Variants in AHNAK2 observed in about 807,000 individuals in gnomAD.
AHNAK2 encodes the protein AHNAK nucleoprotein 2, also known as protein AHNAK2.
A neutral mutation model predicts 30.7 loss-of-function variants in AHNAK2; 18 were observed. The ratio of observed to expected loss-of-function variants is 0.59; its 90% CI spans 0.41 to 0.87. The LOEUF is 0.87. Among genes scored for constraint, AHNAK2 ranks in the 40% least tolerant of loss-of-function variants. The probability of loss-of-function intolerance (pLI) is 0.00; values close to 1 mark genes in which losing one functional copy is unlikely to be tolerated. For missense variants in AHNAK2, 8,604 were observed against 7,373.0 expected, an observed-to-expected ratio of 1.17 and a Z score of -6.11; for synonymous variants, 3,590 against 3,073.8, an observed-to-expected ratio of 1.17 and a Z score of -5.56.
chr14:104,954,114 A>G lies in AHNAK2; in HGVS notation c.1337T>C (p.Met446Thr), dbSNP rs1244211426. ...TCCCTCGCCTTCACCCTCCCGGCTC[A>G]TTCCAGGAGTTGGCTGGGCCCTGGG... ...RKPRAQPTPGMSREGEGEGLQ... is the reference protein window; with the variant it reads ...RKPRAQPTPGTSREGEGEGLQ... Residue 446 changes from methionine to threonine, a missense_variant, in exon 7 of 7, where the codon ATG becomes ACG. Met to Thr is a moderately conservative substitution (Grantham distance 81). Coordinates refer to ENST00000333244, the MANE Select transcript of AHNAK2 (RefSeq NM_138420.4). This position sits in a 1 kb window ranked among gnomAD's most constrained non-coding sequence, Gnocchi z 4.3. 2 of 1,612,130 alleles carry G rather than the reference A, an allele frequency of 1.2e-6. No homozygotes were observed. Among genetic ancestry groups the G allele is most frequent in the African/African-American group, 2.7e-5 (2 of 74,874 alleles).
intron 1 of AHNAK2, among the ~76,000 whole-genome samples, chr14:104,960,927 T>A: frequency 6.9e-6 from 1 of 144,880 alleles, no homozygotes; most frequent in Non-Finnish European, 1.5e-5. Flanking sequence ...AGGCCAGGAG[T>A]TTGAGACCAG....
Position 104,940,746 on chromosome 14 carries a change from ACT to A in AHNAK2, c.14703_14704del (p.Arg4901SerfsTer41), listed in dbSNP as rs776433804. The stretch of plus-strand genomic sequence containing the variant: ...CTGGGTGCTTGGCAAGGGGCACTGC[ACT>A]CTTTCTCCAGGGCTAAGAGGAGACA... On this transcript the variant is annotated frameshift_variant, in exon 7 of 7. Transcript: ENST00000333244. LOFTEE classifies it low-confidence loss of function (END_TRUNC). This position sits in a 1 kb window ranked among gnomAD's most constrained non-coding sequence, Gnocchi z 4.4. 1.2e-6 allele frequency: 2 copies of A among 1,612,762 alleles called. No individual in the cohort carries two copies. The highest frequency in any genetic ancestry group is 2.2e-5 in the South Asian group (2 of 91,056).
rs375046543 is a variant in AHNAK2 at position 104,939,727 on chromosome 14, C to G, written c.15724G>C (p.Val5242Leu). The change falls in exon 7 of 7, where the codon GTG becomes CTG. Residue 5242 changes from valine to leucine, a missense_variant. Physicochemically the swap from Val to Leu is conservative, Grantham distance 32 (BLOSUM62 1). Coordinates refer to ENST00000333244, the MANE Select transcript of AHNAK2 (RefSeq NM_138420.4). ...AGCTGTAGGGACATAGCTGCCTCCA[C>G]GTTTGACCCAGAAACAAGGAACTCT... The part of the protein sequence containing the change: ...VKEFLVSGSN[V>L]EAAMSLQLPE... 4 of 1,613,756 alleles carry G rather than the reference C, an allele frequency of 2.5e-6. No homozygotes were observed. Among genetic ancestry groups the G allele is most frequent in the African/African-American group, 2.7e-5 (2 of 74,928 alleles).
In AHNAK2 at chr14:104,953,480, T is replaced by A; in HGVS notation, c.1971A>T (p.Leu657Phe). ...TTTCTGTCAGAATTTGTTCCTTTTT[T>A]AAGCGTTTTTCATCGTGTATTAGTT... ...KIQLIHDEKR[L>F]KKEQILTEKE... is the part of the protein sequence containing the mutation. The change falls in exon 7 of 7, where the codon TTA (leucine) becomes TTT (phenylalanine). Residue 657 changes from leucine (L) to phenylalanine (F), a missense_variant. Physicochemically the swap from Leu to Phe is conservative, Grantham distance 22 (BLOSUM62 0). Transcript: ENST00000333244. 1 of 1,614,038 alleles carries A rather than the reference T, an allele frequency of 6.2e-7. No individual in the cohort carries two copies. The highest frequency in any genetic ancestry group is 8.5e-7 in the Non-Finnish European group (1 of 1,179,900).
At position 104,950,177 on chromosome 14, in the gene AHNAK2, G is replaced by A. The variant is rs372680619; in HGVS notation, c.5274C>T (p.Gly1758=). 4.4e-6 allele frequency: 7 copies of A among 1,583,482 alleles called. No homozygotes were observed. The highest frequency in any genetic ancestry group is 5.2e-6 in the Non-Finnish European group (6 of 1,161,724). Residue 1758 remains glycine, a synonymous_variant, in exon 7 of 7, where the codon GGC becomes GGT. Coordinates refer to ENST00000333244, the MANE Select transcript of AHNAK2 (RefSeq NM_138420.4). ...SLKMPKVALK[G]PQMDVKGPKL... is the part of the protein sequence containing the mutation. ...TGGGGCCCTTGACGTCCATCTGGGG[G>A]CCCTTGAGGGCCACTTTGGGCATCT...
rs572698049 is a variant in AHNAK2 at position 104,952,112 on chromosome 14, G to A, written c.3339C>T (p.Pro1113=). The A allele has an allele frequency of 6.2e-7, 1 of 1,612,210 alleles. No individual in the cohort carries two copies. Among genetic ancestry groups the A allele is most frequent in the South Asian group, 1.1e-5 (1 of 91,010 alleles). The change falls in exon 7 of 7, where the codon CCC becomes CCT. Residue 1113 remains proline, a synonymous_variant. Coordinates refer to ENST00000333244, the MANE Select transcript of AHNAK2 (RefSeq NM_138420.4). The part of the protein sequence containing the change: ...VKGPKLDLKS[P]KAEVTAPDVE... ...CATCAGGGGCTGTGACTTCCGCCTT[G>A]GGGCTTTTCAGGTCCAGCTTGGGGC...
At position 104,947,877 on chromosome 14, in the gene AHNAK2, TC is replaced by T. The variant is rs1898383682; in HGVS notation, c.7573del (p.Asp2525ThrfsTer25). ...ADGSLSSMQG[D>X]LKATDLSIQP... ...AATGCTGAGGTCAGTGGCCTTGAGG[TC>T]CCCCTGCATGGAGGAGAGGCTCCCG... On this transcript the variant is annotated frameshift_variant, in exon 7 of 7. Coordinates refer to ENST00000333244, the MANE Select transcript of AHNAK2 (RefSeq NM_138420.4). LOFTEE classifies it low-confidence loss of function (END_TRUNC). 1.2e-6 allele frequency: 2 copies of T among 1,611,860 alleles called. No homozygotes were observed. Among genetic ancestry groups the T allele is most frequent in the Non-Finnish European group, 8.5e-7 (1 of 1,179,424 alleles).
chr14:104,939,484 C>A lies in AHNAK2; in HGVS notation c.15967G>T (p.Gly5323Ter), dbSNP rs781122799. 6.2e-7 allele frequency: 1 copy of A among 1,613,512 alleles called. No homozygotes were observed. The highest frequency in any genetic ancestry group is 1.7e-5 in the Admixed American group (1 of 59,994). The change falls in exon 7 of 7, where the codon GGA (glycine) becomes TGA (stop). Residue 5323 changes from glycine (G) to a stop codon, truncating the protein, a stop_gained. Coordinates refer to ENST00000333244, the MANE Select transcript of AHNAK2 (RefSeq NM_138420.4). LOFTEE classifies it low-confidence loss of function (END_TRUNC). Reference protein sequence around the residue: ...MRLPETQVLPGEIDETPLSKP... With the variant: ...MRLPETQVLP Reference sequence around the variant, plus strand: ...GAAAGAGGAGTCTCATCTATTTCTCCTGGAAGAACCTGGGTTTCTGGAAGC... The same window carrying A: ...GAAAGAGGAGTCTCATCTATTTCTCATGGAAGAACCTGGGTTTCTGGAAGC...
At chr14:104,960,059 G>T (rs1899092856) in intron 1 of AHNAK2, among the ~76,000 whole-genome samples, 1 of 152,142 alleles carries the variant, frequency 6.6e-6, no homozygotes, top group South Asian at 2.1e-4. Context: ...GAGCAAAACT[G>T]TTTCAACAAA....
In AHNAK2 at chr14:104,953,029, C is replaced by G. The variant is rs780161734; in HGVS notation, c.2422G>C (p.Ala808Pro). Residue 808 changes from alanine (A) to proline (P), a missense_variant, in exon 7 of 7, where the codon GCA becomes CCA. Coordinates refer to ENST00000333244, the MANE Select transcript of AHNAK2 (RefSeq NM_138420.4). ...SMEVDVQAPR[A>P]KLDGARLEGD... The stretch of plus-strand genomic sequence containing the variant: ...TCCAGCCGCGCACCATCCAGCTTTG[C>G]TCTCGGGGCCTGGACGTCCACCTCC... The G allele has an allele frequency of 1.9e-6, 3 of 1,613,286 alleles. No individual in the cohort carries two copies. The highest frequency in any genetic ancestry group is 2.5e-6 in the Non-Finnish European group (3 of 1,179,740).
At chr14:104,972,465 G>A (rs757135032) in intron 1 of AHNAK2, among the ~76,000 whole-genome samples, 7 of 152,194 alleles carry the variant, frequency 4.6e-5, no homozygotes, top group Non-Finnish European at 1.0e-4. Context: ...CGCTGGCACA[G>A]AGCGGGGCCG....
Position 104,952,855 on chromosome 14 carries a change from C to T in AHNAK2, c.2596G>A (p.Asp866Asn), listed in dbSNP as rs1898817793. ...CCCTGCATGGAGGAGAGGCTCACGT[C>T]GGCCTCCACCTTCGGCGCAGACACA... ...VDVSAPKVEA[D>N]VSLSSMQGDL... is the part of the protein sequence containing the mutation. Residue 866 changes from aspartate (D) to asparagine (N), a missense_variant, in exon 7 of 7, where the codon GAC becomes AAC. Physicochemically the swap from Asp to Asn is conservative, Grantham distance 23 (BLOSUM62 1). Coordinates refer to ENST00000333244, the MANE Select transcript of AHNAK2 (RefSeq NM_138420.4). 6.8e-6 allele frequency: 11 copies of T among 1,612,476 alleles called. No individual in the cohort carries two copies. The highest frequency in any genetic ancestry group is 1.6e-4 in the Middle Eastern group (1 of 6,076).
At position 104,947,677 on chromosome 14, in the gene AHNAK2, T is replaced by C. The variant is rs1566908160; in HGVS notation, c.7774A>G (p.Lys2592Glu). The C allele has an allele frequency of 6.2e-7, 1 of 1,612,942 alleles. No individual in the cohort carries two copies. The highest frequency in any genetic ancestry group is 8.5e-7 in the Non-Finnish European group (1 of 1,179,614). The change falls in exon 7 of 7, where the codon AAG (lysine) becomes GAG (glutamate). Residue 2592 changes from lysine (K) to glutamate (E), a missense_variant. Physicochemically the swap from Lys to Glu is moderately conservative, Grantham distance 56. Coordinates refer to ENST00000333244, the MANE Select transcript of AHNAK2 (RefSeq NM_138420.4). ...GCCTTGGGGCCTTTCAGGTCCAGCT[T>C]GGGGCCCTTGACATCTAGCTGGGGG... is the stretch of plus-strand genomic sequence containing the variant. ...KGPQLDVKGP[K>E]LDLKGPKAEV...
Position 104,948,204 on chromosome 14 carries a change from A to C in AHNAK2, c.7247T>G (p.Leu2416Arg), listed in dbSNP as rs199940715. 647 of 1,612,146 alleles carry C rather than the reference A, an allele frequency of 4.0e-4. 15 individuals carry two copies. In the African/African-American group the frequency reaches 7.5e-3, roughly 19 times the overall value. The change falls in exon 7 of 7, where the codon CTC becomes CGC. Residue 2416 changes from leucine to arginine, a missense_variant. By Grantham distance (102) the Leu-to-Arg change is moderately radical (BLOSUM62 -2). Transcript: ENST00000333244. ...CTTGACATCTATCTGGGGGCCCTTG[A>C]GATCTACTTTGGGCATCTTGAAACT... Reference protein sequence around the residue: ...MPSFKMPKVDLKGPQIDVKGP... With the variant: ...MPSFKMPKVDRKGPQIDVKGP...
In AHNAK2 at chr14:104,948,010, T is replaced by G; in HGVS notation, c.7441A>C (p.Ser2481Arg). The G allele has an allele frequency of 6.2e-7, 1 of 1,612,518 alleles. No individual in the cohort carries two copies. The highest frequency in any genetic ancestry group is 8.5e-7 in the Non-Finnish European group (1 of 1,179,560). Residue 2481 changes from serine (S) to arginine (R), a missense_variant, in exon 7 of 7, where the codon AGC becomes CGC. Ser to Arg is a moderately radical substitution (Grantham distance 110, BLOSUM62 -1). Transcript: ENST00000333244. ...TTGAACTTGGGAATTTTGAACCTGCTGTCTTTGGTAGTCACATCCTTGTCC... is the reference window on the plus strand; with the variant it reads ...TTGAACTTGGGAATTTTGAACCTGCGGTCTTTGGTAGTCACATCCTTGTCC... Reference protein sequence around the residue: ...VADKDVTTKDSRFKIPKFKMP... With the variant: ...VADKDVTTKDRRFKIPKFKMP...
Position 104,946,466 on chromosome 14 carries a change from C to G in AHNAK2, c.8985G>C (p.Lys2995Asn). The G allele has an allele frequency of 2.5e-6, 4 of 1,612,910 alleles. No individual in the cohort carries two copies. The highest frequency in any genetic ancestry group is 3.4e-6 in the Non-Finnish European group (4 of 1,179,628). The change falls in exon 7 of 7, where the codon AAG (lysine) becomes AAC (asparagine). Residue 2995 changes from lysine to asparagine, a missense_variant. By Grantham distance (94) the Lys-to-Asn change is moderately conservative. Transcript: ENST00000333244. Reference sequence around the variant, plus strand: ...ACACATCCACCGAGACCTCAATGGACTTGCCTGGGGCAGACACCCCGAACG... The same window carrying G: ...ACACATCCACCGAGACCTCAATGGAGTTGCCTGGGGCAGACACCCCGAACG... ...MPSFGVSAPG[K>N]SIEVSVDVSA...
rs749422529 is a variant in AHNAK2, at chr14:104,939,751, C to CT, written c.15699dup (p.Glu5234ArgfsTer28). 2 of 1,613,890 alleles carry CT rather than the reference C, an allele frequency of 1.2e-6. No individual in the cohort carries two copies. Among genetic ancestry groups the CT allele is most frequent in the East Asian group, 4.5e-5 (2 of 44,892 alleles). ...ACGTTTGACCCAGAAACAAGGAACT[C>CT]TTTGACTTTAGCTGCTGCTTCACCC... On this transcript the variant is annotated frameshift_variant, in exon 7 of 7. Transcript: ENST00000333244. LOFTEE classifies it low-confidence loss of function (END_TRUNC).
Position 104,938,634 on chromosome 14 carries a change from T to C in AHNAK2, c.16817A>G (p.Glu5606Gly). The change falls in exon 7 of 7, where the codon GAG becomes GGG. Residue 5606 changes from glutamate to glycine, a missense_variant. Glu to Gly is a moderately conservative substitution (Grantham distance 98). Transcript: ENST00000333244. Reference protein sequence around the residue: ...GHQLADSCSDEEPAEILEFPP... With the variant: ...GHQLADSCSDGEPAEILEFPP... ...AAACTCAAGAATTTCTGCTGGCTCC[T>C]CATCTGAACAGCTGTCTGCAAGCTG... 6.2e-7 allele frequency: 1 copy of C among 1,612,444 alleles called. No individual in the cohort carries two copies. The highest frequency in any genetic ancestry group is 1.3e-5 in the African/African-American group (1 of 75,054).
At position 104,949,800 on chromosome 14, in the gene AHNAK2, GC is replaced by G. The variant is rs779174645; in HGVS notation, c.5650del (p.Ala1884LeufsTer6). 6 of 1,587,446 alleles carry G rather than the reference GC, an allele frequency of 3.8e-6. 1 individual carries two copies. In the African/African-American group the frequency reaches 8.3e-5, roughly 22 times the overall value. ...CGGGAGCTTCATGTCCACTTGGCCA[GC>G]CTGGACCACCAGGTCTGCAGAAGGG... ...PLPSADLVVQ[A>X]GQVDMKLPEG... is the part of the protein sequence containing the mutation. On this transcript the variant is annotated frameshift_variant, in exon 7 of 7. Transcript: ENST00000333244. LOFTEE classifies it low-confidence loss of function (END_TRUNC).
Sources: allele counts gnomAD v4.1 joint callset (sites outside exome capture counted in the v4.1 genomes callset), GRCh38; gene constraint gnomAD v4.1.1; non-coding constraint Gnocchi (gnomAD v3.1); transcripts MANE v1.5; gene names NCBI Gene and HGNC (gene_info 2026-07-23, HGNC 2026-07-21).